Variants in ZNF699 observed in about 807,000 individuals in gnomAD.
ZNF699 encodes the protein hangover homolog.
In ZNF699, 18 loss-of-function variants were observed where a neutral mutation model predicts 22.5. The ratio of observed to expected loss-of-function variants is 0.80; its 90% CI spans 0.55 to 1.19. The LOEUF is 1.19. Among genes scored for constraint, ZNF699 ranks in the 50% most tolerant of loss-of-function variants. The pLI, the probability that ZNF699 is intolerant of heterozygous loss-of-function variation, is 0.00. For synonymous variants in ZNF699, 241 were observed against 262.3 expected, an observed-to-expected ratio of 0.92 and a Z score of 0.78; for missense variants, 670 against 763.4, an observed-to-expected ratio of 0.88 and a Z score of 1.44.
Position 9,309,793 on chromosome 19 carries a change from A to C in ZNF699, c.-449T>G, listed in dbSNP as rs1274017433. 1 of 152,678 alleles carries C rather than the reference A, an allele frequency of 6.5e-6. No individual in the cohort carries two copies. Among genetic ancestry groups the C allele is most frequent in the Non-Finnish European group, 1.5e-5 (1 of 68,456 alleles). The allele number at this position is 152,678 out of a possible 1,614,324, so 9.5% of individuals were successfully genotyped here. A position where few individuals can be genotyped will look rare whatever the true frequency, so the allele number is the denominator to read the frequency against. On this transcript the variant is annotated 5_prime_UTR_variant, in exon 1 of 6. Coordinates refer to ENST00000591998, the MANE Select transcript of ZNF699 (RefSeq NM_198535.3). ...GGGCGGAGGCAAAAATGTTCCTCAG[A>C]CGCGGGCGGAGGCGTAGGGTGACAA...
rs369273482 is a variant in ZNF699 at position 9,295,479 on chromosome 19, A to G, written c.1925T>C (p.Ile642Thr). ...ACATTCCCATATTCCTTACATTTAT[A>G]TGTTTTCTCTAGTGTGAGTTTTCAC... ...RHVKTHTREN[I>T] The change falls in exon 6 of 6, where the codon ATA (isoleucine) becomes ACA (threonine). Residue 642 changes from isoleucine to threonine, a missense_variant. Ile to Thr is a moderately conservative substitution (Grantham distance 89). Coordinates refer to ENST00000591998, the MANE Select transcript of ZNF699 (RefSeq NM_198535.3). The G allele has an allele frequency of 2.5e-5, 40 of 1,605,052 alleles. No homozygotes were observed. Among genetic ancestry groups the G allele is most frequent in the Non-Finnish European group, 3.1e-5 (36 of 1,175,764 alleles).
At chr19:9,303,312 T>A (rs1309484306) in intron 2 of ZNF699, among the ~76,000 whole-genome samples, 1 of 152,162 alleles carries the variant, frequency 6.6e-6, no homozygotes, top group Non-Finnish European at 1.5e-5. Context: ...CAATCCCAAG[T>A]TAAAAGGCTG....
chr19:9,309,446 A>G lies in ZNF699; in HGVS notation c.-102T>C, dbSNP rs1235392919. The stretch of plus-strand genomic sequence containing the variant: ...GCAGAGATGCTCTTCCTTTCTGGAA[A>G]GAGAGCAAAGGATGCTTTCGGAGGC... On this transcript the variant is annotated 5_prime_UTR_variant, in exon 1 of 6. Transcript: ENST00000591998. The G allele has an allele frequency of 6.6e-6, 1 of 152,314 alleles. No homozygotes were observed. The highest frequency in any genetic ancestry group is 1.9e-4 in the East Asian group (1 of 5,198). The allele number at this position is 152,314 out of a possible 1,614,324, so 9.4% of individuals were successfully genotyped here.
chr19:9,297,906 C>T lies in ZNF699; in HGVS notation c.260G>A (p.Gly87Asp), dbSNP rs1445215665. 1.2e-6 allele frequency: 2 copies of T among 1,613,620 alleles called. No homozygotes were observed. The highest frequency in any genetic ancestry group is 1.7e-6 in the Non-Finnish European group (2 of 1,179,830). ...TTCCCGGTGCTCTCCCATAAAGATGCCCTGGATAAGTTCTCTCTTCACTGT... is the reference window on the plus strand; with the variant it reads ...TTCCCGGTGCTCTCCCATAAAGATGTCCTGGATAAGTTCTCTCTTCACTGT... ...LQTVKRELIQ[G>D]IFMGEHREGF... Residue 87 changes from glycine (G) to aspartate (D), a missense_variant, in exon 4 of 6, where the codon GGC becomes GAC. Gly to Asp is a moderately conservative substitution (Grantham distance 94, BLOSUM62 -1). Coordinates refer to ENST00000591998, the MANE Select transcript of ZNF699 (RefSeq NM_198535.3). This position sits in a 1 kb window ranked among gnomAD's most constrained non-coding sequence, Gnocchi z 4.3.
In ZNF699 at chr19:9,293,358, C is replaced by T. The variant is rs548036761; in HGVS notation, c.*2117G>A. 9.2e-5 allele frequency among the ~76,000 whole-genome samples: 14 copies of T among 152,058 alleles called. No homozygotes were observed. The East Asian group carries it at 2.1e-3, about 23-fold the overall frequency. ...TTGTTTTGGGGATTATTCGTGGAAT[C>T]GATATTTTTTGAAAACTGCAATACC... On this transcript the variant is annotated 3_prime_UTR_variant, in exon 6 of 6. Coordinates refer to ENST00000591998, the MANE Select transcript of ZNF699 (RefSeq NM_198535.3).
In ZNF699 at chr19:9,291,735, G is replaced by A. The variant is rs956970770; in HGVS notation, c.*3740C>T. ...TTTTTTTTTTTTTTTTTGACACGGA[G>A]TCTCATTCTGTTGCCCAGGCTGGAG... On this transcript the variant is annotated 3_prime_UTR_variant, in exon 6 of 6. Transcript: ENST00000591998. The A allele has an allele frequency of 6.3e-5, 9 of 142,434 alleles. No homozygotes were observed. The highest frequency in any genetic ancestry group is 2.1e-4 in the African/African-American group (8 of 37,282). The allele number at this position is 142,434 out of a possible 1,614,324, so 8.8% of individuals were successfully genotyped here.
Position 9,297,906 on chromosome 19 carries a change from C to G in ZNF699, c.260G>C (p.Gly87Ala). 1 of 1,613,620 alleles carries G rather than the reference C, an allele frequency of 6.2e-7. No homozygotes were observed. Among genetic ancestry groups the G allele is most frequent in the South Asian group, 1.1e-5 (1 of 91,066 alleles). The change falls in exon 4 of 6, where the codon GGC (glycine) becomes GCC (alanine). Residue 87 changes from glycine to alanine, a missense_variant. Physicochemically the swap from Gly to Ala is moderately conservative, Grantham distance 60. Transcript: ENST00000591998. This position sits in a 1 kb window ranked among gnomAD's most constrained non-coding sequence, Gnocchi z 4.3. The part of the protein sequence containing the change: ...LQTVKRELIQ[G>A]IFMGEHREGF... ...TTCCCGGTGCTCTCCCATAAAGATG[C>G]CCTGGATAAGTTCTCTCTTCACTGT...
Position 9,297,479 on chromosome 19 carries a change from C to G in ZNF699, c.287G>C (p.Gly96Ala). 1 of 1,552,842 alleles carries G rather than the reference C, an allele frequency of 6.4e-7. No homozygotes were observed. The change falls in exon 5 of 6, where the codon GGT becomes GCT. Residue 96 changes from glycine to alanine, a missense_variant and splice_region_variant. Transcript: ENST00000591998. This position sits in a 1 kb window ranked among gnomAD's most constrained non-coding sequence, Gnocchi z 4.3. ...ATTAGTTTTAAGTTGAGTCTCAAAA[C>G]CTGAAACGAAAAAAAGTGAAAGCTT... ...QGIFMGEHRE[G>A]FETQLKTNES...
chr19:9,307,946 CA>C (rs747641771), intron 1 of ZNF699, among the ~76,000 whole-genome samples: 1,775 of 65,036 alleles, frequency 0.027, 14 homozygotes, highest in African/African-American at 0.056. Context: ...GACTCTGTCT[CA>C]AAAAAAAAAA....
intron 2 of ZNF699, 34 bp from the exon 3 acceptor site, chr19:9,302,538 A>G (rs1347523292): frequency 1.3e-6 from 2 of 1,575,222 alleles, no homozygotes; most frequent in East Asian, 4.5e-5. Context: ...TCAGAAAGGT[A>G]CAATTCCTCC....
In ZNF699 at chr19:9,291,364, G is replaced by A. The variant is rs1406499886; in HGVS notation, c.*4111C>T. Among the ~76,000 whole-genome samples, 1 of 152,126 alleles carries A rather than the reference G, an allele frequency of 6.6e-6. No individual in the cohort carries two copies. Among genetic ancestry groups the A allele is most frequent in the Non-Finnish European group, 1.5e-5 (1 of 68,030 alleles). On this transcript the variant is annotated 3_prime_UTR_variant, in exon 6 of 6. Coordinates refer to ENST00000591998, the MANE Select transcript of ZNF699 (RefSeq NM_198535.3). Reference sequence around the variant, plus strand: ...ACAATCTTAAAGAATAAAAAAGTTGGAAGGCTTTCACTACCAGATTTCCAA... The same window carrying A: ...ACAATCTTAAAGAATAAAAAAGTTGAAAGGCTTTCACTACCAGATTTCCAA...
At position 9,295,017 on chromosome 19, in the gene ZNF699, A is replaced by C. The variant is rs2066279309; in HGVS notation, c.*458T>G. 1 of 156,870 alleles carries C rather than the reference A, an allele frequency of 6.4e-6. No individual in the cohort carries two copies. The highest frequency in any genetic ancestry group is 1.4e-5 in the Non-Finnish European group (1 of 71,384). The allele number at this position is 156,870 out of a possible 1,614,324, so 9.7% of individuals were successfully genotyped here. ...AAAGAACAATGAACATTAATTAGAA[A>C]CCACTTTTTTAAAAAAGACCACTGC... On this transcript the variant is annotated 3_prime_UTR_variant, in exon 6 of 6. Transcript: ENST00000591998.
intron 3 of ZNF699, among the ~76,000 whole-genome samples, chr19:9,300,803 A>C (rs1361942518): frequency 6.6e-6 from 1 of 152,222 alleles, no homozygotes; most frequent in African/African-American, 2.4e-5. Context: ...AGGAGGGATG[A>C]ATTGATAGAG....
chr19:9,300,331 C>T (rs903403258), intron 3 of ZNF699, among the ~76,000 whole-genome samples: 4 of 152,184 alleles, frequency 2.6e-5, no homozygotes, highest in African/African-American at 4.8e-5. Flanking sequence ...CCACCCGCCT[C>T]GGCCTCCCAA....
Position 9,296,674 on chromosome 19 carries a change from T to G in ZNF699, c.730A>C (p.Thr244Pro). The G allele has an allele frequency of 6.2e-7, 1 of 1,613,614 alleles. No individual in the cohort carries two copies. The highest frequency in any genetic ancestry group is 1.1e-5 in the South Asian group (1 of 91,028). Reference sequence around the variant, plus strand: ...TCATAGGGCTTCTCTTCAGTGGGGGTTTTCATATGCTTCTTGAAACAAGCA... The same window carrying G: ...TCATAGGGCTTCTCTTCAGTGGGGGGTTTCATATGCTTCTTGAAACAAGCA... The part of the protein sequence containing the change: ...FLACFKKHMK[T>P]PTEEKPYECK... The change falls in exon 6 of 6, where the codon ACC (threonine) becomes CCC (proline). Residue 244 changes from threonine (T) to proline (P), a missense_variant. Physicochemically the swap from Thr to Pro is conservative, Grantham distance 38. Transcript: ENST00000591998.
Position 9,298,135 on chromosome 19 carries a change from A to T in ZNF699, c.176-145T>A, listed in dbSNP as rs536881606. 1.2e-3 allele frequency: 592 copies of T among 491,976 alleles called. 3 individuals are homozygous for T. The East Asian group carries it at 0.015, about 13-fold the overall frequency. The allele number at this position is 491,976 out of a possible 1,614,324, so 30.5% of individuals were successfully genotyped here. On this transcript the variant is annotated intron_variant, in intron 3 of 5. Coordinates refer to ENST00000591998, the MANE Select transcript of ZNF699 (RefSeq NM_198535.3). ...CTGCAACAAAATGTCAAATTTATTT[A>T]TTTTTTTTTTTAAAAAAAGGAGAGG... is the stretch of plus-strand genomic sequence containing the variant.
chr19:9,301,944 C>T lies in ZNF699; in HGVS notation c.175+434G>A, dbSNP rs112006943. On this transcript the variant is annotated intron_variant, in intron 3 of 5. Transcript: ENST00000591998. ...TGAGATGGAGTTTCACTCTTGTTGC[C>T]CAGGCTGGAGTGCAATGGAGCGATC... Among the ~76,000 whole-genome samples the T allele has an allele frequency of 2.3e-3, 343 of 150,918 alleles. 1 individual carries two copies. Among genetic ancestry groups the T allele is most frequent in the Non-Finnish European group, 3.6e-3 (241 of 67,798 alleles).
chr19:9,296,277 G>A lies in ZNF699; in HGVS notation c.1127C>T (p.Ser376Leu), dbSNP rs745693725. ...TGTCCTCCCATGTACAGTGAGTTTT[G>A]AGGACTCGCTGAAGGCCTTCCCACA... ...KECGKAFSES[S>L]KLTVHGRTHT... is the part of the protein sequence containing the mutation. The change falls in exon 6 of 6, where the codon TCA becomes TTA. Residue 376 changes from serine (S) to leucine (L), a missense_variant. Transcript: ENST00000591998. The A allele has an allele frequency of 6.2e-7, 1 of 1,614,012 alleles. No individual in the cohort carries two copies. The highest frequency in any genetic ancestry group is 8.5e-7 in the Non-Finnish European group (1 of 1,179,974).
chr19:9,298,001 A>C lies in ZNF699; in HGVS notation c.176-11T>G, dbSNP rs2066293490. 1 of 1,539,360 alleles carries C rather than the reference A, an allele frequency of 6.5e-7. No homozygotes were observed. The highest frequency in any genetic ancestry group is 9.0e-7 in the Non-Finnish European group (1 of 1,114,796). ...TGTGTAGCGGATACCCTGCACAAGC[A>C]GAAAGGCATATCACGAGGGAAAATA... On this transcript the variant is annotated splice_polypyrimidine_tract_variant and intron_variant, in intron 3 of 5. Coordinates refer to ENST00000591998, the MANE Select transcript of ZNF699 (RefSeq NM_198535.3).
Sources: gnomAD v4.1 joint callset for allele counts (sites outside exome capture counted in the v4.1 genomes callset) on GRCh38, gnomAD v4.1.1 for gene constraint, Gnocchi (gnomAD v3.1) non-coding constraint, MANE v1.5 for transcripts, NCBI Gene and HGNC (gene_info 2026-07-23, HGNC 2026-07-21) for gene names.